The following CIAO3 variants were observed in gnomAD, a reference collection of about 807,000 sequenced individuals.
The protein encoded by CIAO3 is cytosolic iron-sulfur assembly component 3.
A neutral mutation model predicts 51.5 loss-of-function variants in CIAO3; 45 were observed. The ratio of observed to expected loss-of-function variants is 0.87; its 90% CI spans 0.69 to 1.12. The LOEUF (loss-of-function observed/expected upper bound fraction) is 1.12. Among genes scored for constraint, CIAO3 ranks in the 50% most tolerant of loss-of-function variants. The pLI, the probability that CIAO3 is intolerant of heterozygous loss-of-function variation, is 0.00. For missense variants in CIAO3, 668 were observed against 632.5 expected (o/e 1.06, Z -0.60); for synonymous variants, 314 against 269.3 (o/e 1.17, Z -1.63).
intron 1 of CIAO3, 103 bp downstream of exon 1, chr16:740,817 C>A: frequency 8.0e-7 from 1 of 1,245,568 alleles, no homozygotes; most frequent in South Asian, 1.3e-5. Flanking sequence ...TCCCGGGATT[C>A]GGATCTCATT....
intron 2 of CIAO3, chr16:738,223 G>A (rs573949530): frequency 1.0e-6 from 1 of 989,186 alleles, no homozygotes; most frequent in African/African-American, 1.7e-5. Context: ...CCTTCCAGGG[G>A]TTCCCTTCGT....
In CIAO3 at chr16:730,476, G is replaced by A. The variant is rs1323565976; in HGVS notation, c.1372C>T (p.Leu458=). ...GTDSECAGRL[L]HTQYHAVEKA... ...TCCACGGCGTGGTACTGCGTATGCAGCAAGCGACCTGCACACTCCGAGTCC... is the reference window on the plus strand; with the variant it reads ...TCCACGGCGTGGTACTGCGTATGCAACAAGCGACCTGCACACTCCGAGTCC... Residue 458 remains leucine, a synonymous_variant, in exon 11 of 11, where the codon CTG becomes TTG. Coordinates refer to ENST00000251588, the MANE Select transcript of CIAO3 (RefSeq NM_022493.3). 28 of 1,608,272 alleles carry A rather than the reference G, an allele frequency of 1.7e-5. No individual in the cohort carries two copies. The highest frequency in any genetic ancestry group is 2.1e-5 in the Non-Finnish European group (25 of 1,179,968).
At chr16:738,047 C>G in intron 2 of CIAO3, 1 of 1,100,630 alleles carries the variant, frequency 9.1e-7, no homozygotes, top group Non-Finnish European at 1.1e-6. Context: ...CAGCCCAGCT[C>G]TCTGCTAGGC....
chr16:731,609 C>G lies in CIAO3; in HGVS notation c.990G>C (p.Glu330Asp). ...LEHVFRHAAR[E>D]LFGIHVAEVT... ...CCTCAGCCACATGGATTCCAAAGAG[C>G]TCTCGGGCCGCGTGCCGGAACACGT... Residue 330 changes from glutamate (E) to aspartate (D), a missense_variant, in exon 9 of 11, where the codon GAG becomes GAC. Glu to Asp is a conservative substitution (Grantham distance 45). Coordinates refer to ENST00000251588, the MANE Select transcript of CIAO3 (RefSeq NM_022493.3). 1 of 1,564,382 alleles carries G rather than the reference C, an allele frequency of 6.4e-7. No individual in the cohort carries two copies. The highest frequency in any genetic ancestry group is 8.7e-7 in the Non-Finnish European group (1 of 1,154,934).
Position 734,288 on chromosome 16 carries a change from C to T in CIAO3, c.634G>A (p.Ala212Thr), listed in dbSNP as rs778827784. ...CCCATGACCTGCTGCGGGGACCGGG[C>T]GGTGCTGATGTGGGGGAGGATGAAG... Reference protein sequence around the residue: ...GSFILPHISTARSPQQVMGSL... With the variant: ...GSFILPHISTTRSPQQVMGSL... The change falls in exon 6 of 11, where the codon GCC becomes ACC. Residue 212 changes from alanine to threonine, a missense_variant. By Grantham distance (58) the Ala-to-Thr change is moderately conservative. Transcript: ENST00000251588. The T allele has an allele frequency of 2.2e-5, 35 of 1,611,778 alleles. No individual in the cohort carries two copies. The highest frequency in any genetic ancestry group is 2.0e-4 in the Admixed American group (12 of 59,988).
chr16:737,717 G>C lies in CIAO3; in HGVS notation c.163-388C>G, dbSNP rs1422354965. On this transcript the variant is annotated intron_variant, in intron 2 of 10. Transcript: ENST00000251588. The surrounding 1 kb of genome is among the most constrained non-coding windows in gnomAD (Gnocchi z 5.3). ...GGCTCTGAAAGGAGGAGGCGGGAAA[G>C]CTGAGGACAAAGGAGGAAAGGACGA... 2.3e-6 allele frequency: 3 copies of C among 1,295,476 alleles called. No homozygotes were observed. Among genetic ancestry groups the C allele is most frequent in the African/African-American group, 1.5e-5 (1 of 66,182 alleles). 80.2% of individuals were successfully genotyped at this position (1,295,476 alleles called of 1,614,324 possible). A position where few individuals can be genotyped will look rare whatever the true frequency, so the allele number is the denominator to read the frequency against.
At chr16:734,382 G>C in intron 5 of CIAO3, 35 bp from the exon 6 acceptor site, 1 of 1,482,188 alleles carries the variant, frequency 6.7e-7, no homozygotes, top group Non-Finnish European at 9.2e-7. Context: ...GCTGGCGGGG[G>C]CGCACGGCGG....
At chr16:739,583 A>T in intron 2 of CIAO3, 60 bp downstream of exon 2, 1 of 1,523,312 alleles carries the variant, frequency 6.6e-7, no homozygotes, top group Non-Finnish European at 9.1e-7. Context: ...GAGGAAGCAG[A>T]GAAAAGTGTT....
At chr16:740,096 G>A (rs771605978) in intron 1 of CIAO3, 3 of 1,326,534 alleles carry the variant, frequency 2.3e-6, no homozygotes, top group African/African-American at 1.5e-5. Flanking sequence ...GAGGACGTGT[G>A]CTTGGATCTG....
chr16:738,855 T>G (rs2041364619), intron 2 of CIAO3, among the ~76,000 whole-genome samples: 1 of 146,470 alleles, frequency 6.8e-6, no homozygotes, highest in Admixed American at 6.8e-5. Context: ...GCCAGGCTGG[T>G]CTCGAACTCC....
rs1042016940 is a variant in CIAO3, at chr16:734,364, C to T, written c.575-17G>A. ...AGATCCAGCCTGAGGTGACAGGGGG[C>T]ACACGGGGCTGGCGGGGGCGCACGG... is the stretch of plus-strand genomic sequence containing the variant. On this transcript the variant is annotated splice_polypyrimidine_tract_variant and intron_variant, in intron 5 of 10. Transcript: ENST00000251588. The T allele has an allele frequency of 1.3e-6, 2 of 1,588,854 alleles. No individual in the cohort carries two copies. Among genetic ancestry groups the T allele is most frequent in the Non-Finnish European group, 1.7e-6 (2 of 1,164,988 alleles).
chr16:739,523 G>C (rs750353887), intron 2 of CIAO3, 120 bp downstream of exon 2: 10 of 1,031,520 alleles, frequency 9.7e-6, no homozygotes, highest in African/African-American at 1.6e-5. Context: ...CGACCAGTGG[G>C]AAAAGACTGG....
chr16:739,920 G>A, intron 1 of CIAO3, 182 bp from the exon 2 acceptor site: 1 of 1,329,028 alleles, frequency 7.5e-7, no homozygotes, highest in East Asian at 2.5e-5. Flanking sequence ...CCAGGGATCG[G>A]GTTCCCAACA....
chr16:729,844 C>G lies in CIAO3; in HGVS notation c.*573G>C, dbSNP rs777966102. 5.0e-6 allele frequency: 3 copies of G among 601,668 alleles called. No individual in the cohort carries two copies. Among genetic ancestry groups the G allele is most frequent in the Non-Finnish European group, 7.5e-6 (3 of 397,352 alleles). The allele number at this position is 601,668 out of a possible 1,614,324, so 37.3% of individuals were successfully genotyped here. Reference sequence around the variant, plus strand: ...GACCTGGCTGGGGGATGATGCAGCCCGCGATGGCTGCTGCTTCGTACTTGG... The same window carrying G: ...GACCTGGCTGGGGGATGATGCAGCCGGCGATGGCTGCTGCTTCGTACTTGG... On this transcript the variant is annotated 3_prime_UTR_variant, in exon 11 of 11. Transcript: ENST00000251588.
intron 2 of CIAO3, 40 bp downstream of exon 2, chr16:739,603 C>A: frequency 6.3e-7 from 1 of 1,584,958 alleles, no homozygotes; most frequent in Non-Finnish European, 8.7e-7. Flanking sequence ...TTCGGATCAG[C>A]CGGGCAGGAG....
Position 737,768 on chromosome 16 carries a change from G to A in CIAO3, c.163-439C>T. ...AGGCACAGGAAGAGGAGAGCAGAGG[G>A]AGGAAGCCTGGGAGCCTGGCCTCCG... On this transcript the variant is annotated intron_variant, in intron 2 of 10. Transcript: ENST00000251588. This position sits in a 1 kb window ranked among gnomAD's most constrained non-coding sequence, Gnocchi z 5.3. The A allele has an allele frequency of 8.1e-7, 1 of 1,230,718 alleles. No homozygotes were observed. The highest frequency in any genetic ancestry group is 1.0e-6 in the Non-Finnish European group (1 of 959,844). 76.2% of individuals were successfully genotyped at this position (1,230,718 alleles called of 1,614,324 possible).
chr16:738,174 G>A (rs1056056249), intron 2 of CIAO3: 2 of 998,006 alleles, frequency 2.0e-6, no homozygotes, highest in African/African-American at 3.5e-5. Flanking sequence ...CAAACCAACT[G>A]CCACTGCACC....
At chr16:732,258 G>T (rs768257200) in intron 8 of CIAO3, 43 bp downstream of exon 8, 1 of 1,563,242 alleles carries the variant, frequency 6.4e-7, no homozygotes, top group South Asian at 1.2e-5. Context: ...CAGAGGCAGC[G>T]TTAGAAGCTA....
At chr16:731,042 C>T (rs765861605) in intron 9 of CIAO3, 42 bp from the exon 10 acceptor site, 14 of 1,606,112 alleles carry the variant, frequency 8.7e-6, no homozygotes, top group African/African-American at 1.3e-5. Flanking sequence ...GCACACCCAC[C>T]AGGCTCCTGC....
Sources: allele counts gnomAD v4.1 joint callset (sites outside exome capture counted in the v4.1 genomes callset), GRCh38; gene constraint gnomAD v4.1.1; non-coding constraint Gnocchi (gnomAD v3.1); transcripts MANE v1.5; gene names NCBI Gene and HGNC (gene_info 2026-07-23, HGNC 2026-07-21).